XCR1: variants seen among roughly 807,000 people sequenced by gnomAD.
XCR1 encodes the protein chemokine XC receptor 1.
For missense variants in XCR1, 356 were observed against 424.2 expected (o/e 0.84, Z 1.41); for synonymous variants, 187 against 188.5 (o/e 0.99, Z 0.06).
In XCR1 at chr3:46,018,895, A is replaced by G. The variant is rs931882219; in HGVS notation, c.*2051T>C. ...GACTCTGGACTCCTCATTTTTTAAA[A>G]AAGTTGCAGCCAAATGTACCTAATG... is the stretch of plus-strand genomic sequence containing the variant. On this transcript the variant is annotated 3_prime_UTR_variant, in exon 2 of 2. Coordinates refer to ENST00000309285, the MANE Select transcript of XCR1 (RefSeq NM_001024644.2). 6.6e-6 allele frequency: 1 copy of G among 152,192 alleles called. No homozygotes were observed. The highest frequency in any genetic ancestry group is 1.5e-5 in the Non-Finnish European group (1 of 68,026). The allele number at this position is 152,192 out of a possible 1,614,324, so 9.4% of individuals were successfully genotyped here.
intron 1 of XCR1, among the ~76,000 whole-genome samples, chr3:46,083,840 A>G (rs757098159): frequency 1.3e-5 from 2 of 152,226 alleles, no homozygotes; most frequent in Non-Finnish European, 2.9e-5. Context: ...TCAGGGAAGA[A>G]GCTGCTTGAC....
intron 5 of XCR1, among the ~76,000 whole-genome samples, chr3:46,035,064 C>T (rs1697397742): frequency 6.6e-6 from 1 of 152,142 alleles, no homozygotes; most frequent in South Asian, 2.1e-4. Flanking sequence ...AAGTGATTCT[C>T]CCGCCTCAGC....
rs566827305 is a variant in XCR1, at chr3:46,082,119, G to A, written c.-515+3675C>T. Among the ~76,000 whole-genome samples, 12 of 152,234 alleles carry A rather than the reference G, an allele frequency of 7.9e-5. No individual in the cohort carries two copies. In the East Asian group the frequency reaches 1.5e-3, roughly 20 times the overall value. ...AAAAGACAACCCTACCTGAGGGGAC[G>A]TCTTTCATCATGGGAGATCTTAGTG... On this transcript the variant is annotated intron_variant, in intron 1 of 5. Coordinates refer to the XCR1 transcript ENST00000683768.
chr3:46,064,022 G>A (rs1698014734), intron 4 of XCR1, among the ~76,000 whole-genome samples: 1 of 152,096 alleles, frequency 6.6e-6, no homozygotes, highest in Non-Finnish European at 1.5e-5. Context: ...AAAGGTGGAT[G>A]TTACCATGCC....
rs562750110 is a variant in XCR1 at position 46,054,147 on chromosome 3, C to A, written c.-182-77G>T. ...ATTTGGAAGAAGGGGTCAGGGAGCA[C>A]CTTGCCTCTAGTGGACAAGGGCCCT... On this transcript the variant is annotated intron_variant, in intron 4 of 5. Transcript: ENST00000683768. Among the ~76,000 whole-genome samples the A allele has an allele frequency of 4.6e-5, 7 of 152,218 alleles. No homozygotes were observed. The South Asian group carries it at 1.5e-3, about 32-fold the overall frequency.
At chr3:46,054,249 C>CTT (rs1390290479) in intron 4 of XCR1, among the ~76,000 whole-genome samples, 1 of 152,060 alleles carries the variant, frequency 6.6e-6, no homozygotes, top group Non-Finnish European at 1.5e-5. Context: ...GGGTCAGCTG[C>CTT]TTGGTCCAGA....
In XCR1 at chr3:46,021,834, G is replaced by A. The variant is rs772453824; in HGVS notation, c.114C>T (p.Tyr38=). The change falls in exon 2 of 2, where the codon TAC becomes TAT. Residue 38 remains tyrosine (Y), a synonymous_variant. Coordinates refer to ENST00000309285, the MANE Select transcript of XCR1 (RefSeq NM_001024644.2). This position sits in a 1 kb window ranked among gnomAD's most constrained non-coding sequence, Gnocchi z 4.7. ...VFATLATTVL[Y]CLVFLLSLVG... ...CTAGGCTGAGGAGAAACACCAGGCA[G>A]TATAGGACAGTGGTGGCGAGGGTAG... The A allele has an allele frequency of 5.0e-6, 8 of 1,614,014 alleles. No individual in the cohort carries two copies. The highest frequency in any genetic ancestry group is 6.8e-6 in the Non-Finnish European group (8 of 1,180,030).
At position 46,046,081 on chromosome 3, in the gene XCR1, T is replaced by A. The variant is rs1223418548; in HGVS notation, c.-32+7839A>T. ...TCTTTTGCAGCAACATGGAGAGAACTGGAGGCCATTATCTTAAGTGAAACA... is the reference window on the plus strand; with the variant it reads ...TCTTTTGCAGCAACATGGAGAGAACAGGAGGCCATTATCTTAAGTGAAACA... On this transcript the variant is annotated intron_variant, in intron 5 of 5. Coordinates refer to the XCR1 transcript ENST00000683768. 4.6e-5 allele frequency among the ~76,000 whole-genome samples: 7 copies of A among 152,172 alleles called. No individual in the cohort carries two copies. The East Asian group carries it at 1.3e-3, about 29-fold the overall frequency.
chr3:46,038,015 A>G (rs1051370810), intron 5 of XCR1, among the ~76,000 whole-genome samples: 2 of 143,526 alleles, frequency 1.4e-5, no homozygotes, highest in Admixed American at 1.4e-4. Flanking sequence ...TGTTGTGTGC[A>G]CGGGTTTGTT....
chr3:46,022,633 T>G (rs978444667), intron 1 of XCR1, among the ~76,000 whole-genome samples: 1 of 152,260 alleles, frequency 6.6e-6, no homozygotes, highest in Non-Finnish European at 1.5e-5. Context: ...ATGCCCTTCC[T>G]TGGCTGAGGA....
intron 5 of XCR1, among the ~76,000 whole-genome samples, chr3:46,033,965 A>C (rs1474913272): frequency 3.7e-5 from 5 of 135,696 alleles, no homozygotes; most frequent in Admixed American, 1.4e-4. Context: ...TCAAGTGTTC[A>C]TTGCTGTTTT....
At chr3:46,023,527 GC>G in intron 1 of XCR1, 1 of 1,565,566 alleles carries the variant, frequency 6.4e-7, no homozygotes, top group Non-Finnish European at 8.8e-7. Context: ...ATGGAAAAGG[GC>G]CCAGCGTGAG....
chr3:46,022,162 G>A (rs1371991753), intron 1 of XCR1, 184 bp from the exon 2 acceptor site: 5 of 532,258 alleles, frequency 9.4e-6, no homozygotes, highest in African/African-American at 3.8e-5. Context: ...TTACCCGGGT[G>A]TGGTGGCGCA....
chr3:46,028,643 A>G (rs988425704), upstream of XCR1, among the ~76,000 whole-genome samples: 8 of 151,312 alleles, frequency 5.3e-5, no homozygotes, highest in Non-Finnish European at 1.0e-4. Flanking sequence ...CCAGGCCTGA[A>G]TTCAGTGGCA....
chr3:46,045,712 A>G (rs1169210816), intron 5 of XCR1, among the ~76,000 whole-genome samples: 1 of 152,228 alleles, frequency 6.6e-6, no homozygotes, highest in Non-Finnish European at 1.5e-5. Flanking sequence ...AAAGGTTAAA[A>G]ATAGCAGATG....
chr3:46,074,214 CTTT>C (rs35124592), intron 3 of XCR1, among the ~76,000 whole-genome samples: 30 of 86,668 alleles, frequency 3.5e-4, no homozygotes, highest in Non-Finnish European at 3.1e-4. Flanking sequence ...TGAAGGCCAT[CTTT>C]TTTTTTTTTT....
At chr3:46,061,527 A>G (rs1697961660) in intron 4 of XCR1, among the ~76,000 whole-genome samples, 1 of 152,210 alleles carries the variant, frequency 6.6e-6, no homozygotes, top group Non-Finnish European at 1.5e-5. Flanking sequence ...CCCTTTGGTG[A>G]ACATTCACGT....
At chr3:46,026,586 CTT>C (rs113662841) in intron 1 of XCR1, among the ~76,000 whole-genome samples, 37 of 142,816 alleles carry the variant, frequency 2.6e-4, no homozygotes, top group African/African-American at 4.9e-4. Flanking sequence ...TCTTCTTCTT[CTT>C]TTTTTTTTTT....
At chr3:46,056,376 A>T (rs1201691066) in intron 4 of XCR1, among the ~76,000 whole-genome samples, 3 of 152,134 alleles carry the variant, frequency 2.0e-5, no homozygotes, top group East Asian at 3.8e-4. Context: ...TTTTAACACA[A>T]AATTTATGAC....
Sources: gnomAD v4.1 joint callset for allele counts (sites outside exome capture counted in the v4.1 genomes callset) on GRCh38, gnomAD v4.1.1 for gene constraint, Gnocchi (gnomAD v3.1) non-coding constraint, MANE v1.5 for transcripts, NCBI Gene and HGNC (gene_info 2026-07-23, HGNC 2026-07-21) for gene names.